Variants in TOPAZ1 observed in about 807,000 individuals in gnomAD.
TOPAZ1 encodes the protein testis and ovary specific TOPAZ 1.
Under a neutral mutation model 172.2 loss-of-function variants are expected in TOPAZ1, and 66 were observed. That is an observed-to-expected ratio of 0.38 (90% CI 0.31 to 0.47). The LOEUF is 0.47. Ranked by LOEUF, TOPAZ1 falls within the 20% of genes least tolerant of loss-of-function variation. The pLI is 0.99. For synonymous variants in TOPAZ1, 681 were observed against 683.9 expected, an observed-to-expected ratio of 1.00 and a Z score of 0.07; for missense variants, 1,822 against 1,972.4, an observed-to-expected ratio of 0.92 and a Z score of 1.44.
intron 12 of TOPAZ1, among the ~76,000 whole-genome samples, chr3:44,292,474 A>T (rs1392298095): frequency 6.6e-6 from 1 of 152,128 alleles, no homozygotes; most frequent in Non-Finnish European, 1.5e-5. Context: ...TGACTAACAG[A>T]TGTTAATCTC....
intron 6 of TOPAZ1, among the ~76,000 whole-genome samples, chr3:44,268,468 G>A (rs1374540567): frequency 6.8e-6 from 1 of 147,500 alleles, no homozygotes; most frequent in Non-Finnish European, 1.5e-5. Context: ...CCCCCTCCCA[G>A]GTTCAAGTGA....
chr3:44,243,785 G>C lies in TOPAZ1; in HGVS notation c.1279G>C (p.Glu427Gln). The change falls in exon 2 of 20, where the codon GAA becomes CAA. Residue 427 changes from glutamate (E) to glutamine (Q), a missense_variant. Coordinates refer to ENST00000309765, the MANE Select transcript of TOPAZ1 (RefSeq NM_001145030.2). ...AACCATTGAACCACTTTTGAAAGAA[G>C]AAACAGAGAATGCTTCAGAGCCGTT... ...QKTIEPLLKE[E>Q]TENASEPLGY... The C allele has an allele frequency of 6.4e-7, 1 of 1,551,712 alleles. No homozygotes were observed. Among genetic ancestry groups the C allele is most frequent in the South Asian group, 1.2e-5 (1 of 84,048 alleles).
chr3:44,324,107 CT>C (rs1427748199), intron 18 of TOPAZ1, among the ~76,000 whole-genome samples: 1 of 152,216 alleles, frequency 6.6e-6, no homozygotes, highest in African/African-American at 2.4e-5. Context: ...CAGGTGGTAA[CT>C]TTTTTTCCCC....
At chr3:44,259,007 A>G (rs963265702) in intron 4 of TOPAZ1, among the ~76,000 whole-genome samples, 8 of 152,216 alleles carry the variant, frequency 5.3e-5, no homozygotes, top group African/African-American at 1.9e-4. Flanking sequence ...GAGATCAGCT[A>G]GAGATTTGGG....
intron 19 of TOPAZ1, among the ~76,000 whole-genome samples, chr3:44,331,562 A>G (rs1410915960): frequency 2.0e-5 from 3 of 152,150 alleles, no homozygotes; most frequent in Non-Finnish European, 4.4e-5. Context: ...CCTGGCCTCA[A>G]GCGATCCCCC....
Position 44,298,901 on chromosome 3 carries a change from ATATATATATTTTTTTTTT to A in TOPAZ1, c.3798-5112_3798-5095del, listed in dbSNP as rs1435478251. On this transcript the variant is annotated intron_variant, in intron 12 of 19. Transcript: ENST00000309765. Reference sequence around the variant, plus strand: ...TTTTATGTATATATATTATATATATATATATATATTTTTTTTTTTTTTTTTTTTTTTTTCCCCCTGAGA... The same window carrying A: ...TTTTATGTATATATATTATATATATATTTTTTTTTTTTTTTCCCCCTGAGA... Among the ~76,000 whole-genome samples, 6 of 10,408 alleles carry A rather than the reference ATATATATATTTTTTTTTT, an allele frequency of 5.8e-4. 1 individual carries two copies. Among genetic ancestry groups the A allele is most frequent in the Non-Finnish European group, 7.7e-4 (5 of 6,498 alleles). The allele number at this position is 10,408 out of a possible 152,430, so 6.8% of individuals were successfully genotyped here.
At chr3:44,298,910 T>TATATATATA (rs1491140048) in intron 12 of TOPAZ1, among the ~76,000 whole-genome samples, 190 of 16,116 alleles carry the variant, frequency 0.012, 2 homozygotes, top group African/African-American at 0.018. Flanking sequence ...TATATATATA[T>TATATATATA]TTTTTTTTTT....
intron 5 of TOPAZ1, among the ~76,000 whole-genome samples, chr3:44,264,853 A>G (rs1407798965): frequency 2.0e-5 from 3 of 152,226 alleles, no homozygotes; most frequent in African/African-American, 7.2e-5. Flanking sequence ...CTCATCCATA[A>G]GAAGCAACTC....
intron 12 of TOPAZ1, among the ~76,000 whole-genome samples, chr3:44,291,776 A>G (rs1374143674): frequency 2.0e-5 from 3 of 152,158 alleles, no homozygotes; most frequent in Non-Finnish European, 4.4e-5. Context: ...AACTTTTTAA[A>G]TGTAATTAGA....
In TOPAZ1 at chr3:44,244,065, G is replaced by A. The variant is rs375712603; in HGVS notation, c.1559G>A (p.Arg520His). 3.4e-5 allele frequency: 52 copies of A among 1,551,606 alleles called. No homozygotes were observed. The highest frequency in any genetic ancestry group is 3.1e-5 in the Non-Finnish European group (36 of 1,146,986). ...TTGCCAGAATCAAGTTACTTTCTTCGTGGGTCTCAGGAAAGTTGTAGGCAA... is the reference window on the plus strand; with the variant it reads ...TTGCCAGAATCAAGTTACTTTCTTCATGGGTCTCAGGAAAGTTGTAGGCAA... ...ASLPESSYFLRGSQESCRQVD... is the reference protein window; with the variant it reads ...ASLPESSYFLHGSQESCRQVD... Residue 520 changes from arginine (R) to histidine (H), a missense_variant, in exon 2 of 20, where the codon CGT (arginine) becomes CAT (histidine). Arg to His is a conservative substitution (Grantham distance 29). This residue lies in a region of TOPAZ1 where 1,489 missense variants were observed against 1,490.8 expected (regional missense o/e 1.00). Transcript: ENST00000309765.
chr3:44,262,534 T>A, intron 5 of TOPAZ1, 51 bp downstream of exon 5: 2 of 972,508 alleles, frequency 2.1e-6, no homozygotes, highest in Non-Finnish European at 3.1e-6. Flanking sequence ...ACTCATCTAA[T>A]TTATATCTTG....
At chr3:44,252,501 G>A (rs1699645715) in intron 2 of TOPAZ1, among the ~76,000 whole-genome samples, 1 of 152,200 alleles carries the variant, frequency 6.6e-6, no homozygotes, top group Non-Finnish European at 1.5e-5. Context: ...GCTCTTTAGT[G>A]GATCTGTATC....
intron 16 of TOPAZ1, among the ~76,000 whole-genome samples, chr3:44,319,241 A>G (rs1462811512): frequency 3.9e-5 from 6 of 152,206 alleles, no homozygotes; most frequent in Non-Finnish European, 7.3e-5. Flanking sequence ...CAACACAGAA[A>G]AAAACAAAAA....
rs985973606 is a variant in TOPAZ1 at position 44,313,455 on chromosome 3, T to TA, written c.4306+3477dup. 3.7e-3 allele frequency among the ~76,000 whole-genome samples: 531 copies of TA among 142,926 alleles called. 6 individuals carry two copies. The highest frequency in any genetic ancestry group is 0.012 in the African/African-American group (473 of 39,128). 93.8% of individuals were successfully genotyped at this position (142,926 alleles called of 152,430 possible). On this transcript the variant is annotated intron_variant, in intron 16 of 19. Coordinates refer to ENST00000309765, the MANE Select transcript of TOPAZ1 (RefSeq NM_001145030.2). ...TGAAACCCCATCTCTACTAAAAATA[T>TA]AAAAAAAAAAAATTAGCCGGGCATG...
chr3:44,297,775 T>C (rs1700216396), intron 12 of TOPAZ1, among the ~76,000 whole-genome samples: 1 of 151,206 alleles, frequency 6.6e-6, no homozygotes, highest in African/African-American at 2.4e-5. Flanking sequence ...CTCCTAGAAC[T>C]AAGGAGTGCA....
chr3:44,270,159 A>T (rs1046258041), intron 7 of TOPAZ1, among the ~76,000 whole-genome samples: 3 of 152,198 alleles, frequency 2.0e-5, no homozygotes, highest in Non-Finnish European at 2.9e-5. Context: ...AAAAGCTTTA[A>T]CTCTGTCATT....
At chr3:44,323,709 T>C (rs1259184276) in intron 18 of TOPAZ1, among the ~76,000 whole-genome samples, 1 of 152,198 alleles carries the variant, frequency 6.6e-6, no homozygotes. Flanking sequence ...CAATAGCAGG[T>C]CACATCAGAA....
chr3:44,276,399 T>A (rs1056234021), intron 8 of TOPAZ1, among the ~76,000 whole-genome samples: 1 of 152,084 alleles, frequency 6.6e-6, no homozygotes, highest in African/African-American at 2.4e-5. Flanking sequence ...ATGGATATCT[T>A]AATTTTCCCA....
Position 44,259,750 on chromosome 3 carries a change from T to A in TOPAZ1, c.2956-2669T>A, listed in dbSNP as rs574280805. ...TCCCCACACACTAATTCATTATTAA[T>A]TTTTTGTCCATCTGCTTATTTTTAT... is the stretch of plus-strand genomic sequence containing the variant. On this transcript the variant is annotated intron_variant, in intron 4 of 19. Coordinates refer to ENST00000309765, the MANE Select transcript of TOPAZ1 (RefSeq NM_001145030.2). 3.9e-5 allele frequency among the ~76,000 whole-genome samples: 6 copies of A among 152,342 alleles called. No homozygotes were observed. In the South Asian group the frequency reaches 1.2e-3, roughly 32 times the overall value.
Sources: gnomAD v4.1 joint callset for allele counts (sites outside exome capture counted in the v4.1 genomes callset) on GRCh38, gnomAD v4.1.1 for gene constraint, gnomAD v4.1.1 regional missense constraint, MANE v1.5 for transcripts, NCBI Gene and HGNC (gene_info 2026-07-23, HGNC 2026-07-21) for gene names.